The following SLX9 variants were observed in gnomAD, a reference collection of about 807,000 sequenced individuals.
The protein encoded by SLX9 is SLX9 ribosome biogenesis factor, also known as ribosome biogenesis protein SLX9 homolog.
SLX9 carries 19 observed loss-of-function variants against 20.8 expected under a neutral mutation model. That is an observed-to-expected ratio of 0.91 (90% CI 0.64 to 1.34). SLX9 has a LOEUF of 1.34. Among genes scored for constraint, SLX9 ranks in the 40% most tolerant of loss-of-function variants. The pLI, the probability that SLX9 is intolerant of heterozygous loss-of-function variation, is 0.00. For synonymous variants in SLX9, 113 were observed against 137.1 expected (o/e 0.82, Z 1.23); for missense variants, 299 against 322.2 (o/e 0.93, Z 0.55).
chr21:44,948,324 A>C (rs1397814377), intron 2 of SLX9, among the ~76,000 whole-genome samples: 2 of 101,414 alleles, frequency 2.0e-5, no homozygotes, highest in Admixed American at 1.1e-4. Flanking sequence ...CTGGTCGTGG[A>C]GCATCGGGCG....
chr21:44,945,079 T>C (rs757715907), intron 2 of SLX9, among the ~76,000 whole-genome samples: 2 of 152,214 alleles, frequency 1.3e-5, no homozygotes, highest in Non-Finnish European at 2.9e-5. Flanking sequence ...CCCTAATTCC[T>C]TGGGCACAAG....
chr21:44,941,884 C>T (rs934804277), intron 1 of SLX9, among the ~76,000 whole-genome samples: 10 of 152,152 alleles, frequency 6.6e-5, no homozygotes, highest in African/African-American at 2.2e-4. Context: ...AGCCCTCACA[C>T]GAGCTGCAGA....
At chr21:44,960,763 G>A (rs2084938327) in intron 3 of SLX9, among the ~76,000 whole-genome samples, 1 of 152,248 alleles carries the variant, frequency 6.6e-6, no homozygotes, top group Admixed American at 6.5e-5. Context: ...GTCTCCGCAG[G>A]CTGAAAGCCA....
intron 5 of SLX9, among the ~76,000 whole-genome samples, chr21:44,976,262 C>T (rs2085259939): frequency 6.6e-6 from 1 of 151,266 alleles, no homozygotes; most frequent in Admixed American, 6.6e-5. Context: ...CTGCTGCAGG[C>T]CTCTGCCGGC....
chr21:44,972,527 C>T (rs2085169776), intron 4 of SLX9, among the ~76,000 whole-genome samples: 3 of 152,238 alleles, frequency 2.0e-5, no homozygotes. Context: ...GTTCCTCCAC[C>T]TGTCCATGGG....
rs964855100 is a variant in SLX9, at chr21:44,966,905, G to A, written c.353-129G>A. 2.5e-6 allele frequency: 3 copies of A among 1,207,598 alleles called. No individual in the cohort carries two copies. In the African/African-American group the frequency reaches 4.6e-5, roughly 18 times the overall value. The allele number at this position is 1,207,598 out of a possible 1,614,324, so 74.8% of individuals were successfully genotyped here. A position where few individuals can be genotyped will look rare whatever the true frequency, so the allele number is the denominator to read the frequency against. On this transcript the variant is annotated intron_variant, in intron 3 of 5. Transcript: ENST00000291634. The stretch of plus-strand genomic sequence containing the variant: ...CTGCAGGTTCCCAGGGGCGGAATGG[G>A]GGTGACAGCGGGAAGGAGAGAGGCA...
chr21:44,976,495 G>A (rs1264393173), intron 5 of SLX9, among the ~76,000 whole-genome samples, 185 bp from the exon 6 acceptor site: 4 of 152,170 alleles, frequency 2.6e-5, no homozygotes, highest in African/African-American at 7.2e-5. Context: ...TGGGATGCAC[G>A]TGGCCACGAG....
At chr21:44,960,296 C>A in intron 3 of SLX9, 128 bp downstream of exon 3, 1 of 842,068 alleles carries the variant, frequency 1.2e-6, no homozygotes, top group East Asian at 2.6e-5. Flanking sequence ...CCAAGGGGAT[C>A]ACCCAAGACA....
At chr21:44,975,718 A>G (rs2085249402) in intron 5 of SLX9, among the ~76,000 whole-genome samples, 1 of 152,192 alleles carries the variant, frequency 6.6e-6, no homozygotes, top group African/African-American at 2.4e-5. Flanking sequence ...CCCTGACTTT[A>G]CGGGGACAGC....
intron 2 of SLX9, among the ~76,000 whole-genome samples, chr21:44,947,705 C>G (rs1024519971): frequency 3.9e-5 from 6 of 152,196 alleles, no homozygotes; most frequent in Non-Finnish European, 7.3e-5. Context: ...CCTGCCTTAC[C>G]CTTACGGGCA....
chr21:44,967,437 C>T (rs2294166), intron 4 of SLX9, among the ~76,000 whole-genome samples: 20,999 of 152,192 alleles, frequency 0.14, 1,560 homozygotes, highest in Admixed American at 0.18. Flanking sequence ...CTGCTGATGC[C>T]GAGCTCCCTC....
chr21:44,966,908 TG>T (rs2085045990), intron 3 of SLX9, 125 bp from the exon 4 acceptor site: 3 of 1,238,622 alleles, frequency 2.4e-6, no homozygotes, highest in Admixed American at 2.1e-5. Flanking sequence ...GGAATGGGGG[TG>T]ACAGCGGGAA....
At chr21:44,946,160 C>T (rs1302969380) in intron 2 of SLX9, among the ~76,000 whole-genome samples, 1 of 152,188 alleles carries the variant, frequency 6.6e-6, no homozygotes, top group Non-Finnish European at 1.5e-5. Context: ...CAGAGTAGAG[C>T]ATAGAAGTGT....
chr21:44,959,974 G>A (rs2084925210), intron 2 of SLX9, 126 bp from the exon 3 acceptor site: 1 of 803,594 alleles, frequency 1.2e-6, no homozygotes, highest in Non-Finnish European at 2.1e-6. Flanking sequence ...CTGAGAGGCT[G>A]GCACAGGCCA....
Position 44,940,095 on chromosome 21 carries a change from A to T in SLX9, c.38A>T (p.Gln13Leu), listed in dbSNP as rs777277247. 11 of 1,442,004 alleles carry T rather than the reference A, an allele frequency of 7.6e-6. No individual in the cohort carries two copies. The highest frequency in any genetic ancestry group is 1.0e-5 in the Non-Finnish European group (11 of 1,093,314). The allele number at this position is 1,442,004 out of a possible 1,614,324, so 89.3% of individuals were successfully genotyped here. A position where few individuals can be genotyped will look rare whatever the true frequency, so the allele number is the denominator to read the frequency against. The change falls in exon 1 of 6, where the codon CAG (glutamine) becomes CTG (leucine). Residue 13 changes from glutamine to leucine, a missense_variant. Gln to Leu is a moderately radical substitution (Grantham distance 113, BLOSUM62 -2). Transcript: ENST00000291634. The stretch of plus-strand genomic sequence containing the variant: ...AGGGGGTTGCGCGCCCGAGTGCACC[A>T]GGCTGCCGTGAGGCCGAAAGGGGAG... ...KVRGLRARVH[Q>L]AAVRPKGEAA... is the part of the protein sequence containing the mutation.
At chr21:44,966,025 G>A (rs770171696) in intron 3 of SLX9, among the ~76,000 whole-genome samples, 6 of 152,208 alleles carry the variant, frequency 3.9e-5, no homozygotes, top group Non-Finnish European at 8.8e-5. Flanking sequence ...AACCTGCACT[G>A]GGGGCTGAGG....
intron 2 of SLX9, among the ~76,000 whole-genome samples, chr21:44,950,969 C>T (rs934485069): frequency 6.6e-6 from 1 of 152,188 alleles, no homozygotes; most frequent in South Asian, 2.1e-4. Context: ...CACGGTGACT[C>T]CACCTGGTCC....
chr21:44,962,948 G>A (rs775210650), intron 3 of SLX9, among the ~76,000 whole-genome samples: 3 of 152,146 alleles, frequency 2.0e-5, no homozygotes, highest in Non-Finnish European at 2.9e-5. Flanking sequence ...GTGTTTCAGC[G>A]TCAGTGAAAT....
chr21:44,946,864 G>C (rs562811578), intron 2 of SLX9, among the ~76,000 whole-genome samples: 13 of 152,332 alleles, frequency 8.5e-5, no homozygotes, highest in East Asian at 1.9e-4. Flanking sequence ...GGAGGGACAG[G>C]CCTCCACTTC....
Sources: allele counts gnomAD v4.1 joint callset (sites outside exome capture counted in the v4.1 genomes callset), GRCh38; gene constraint gnomAD v4.1.1; transcripts MANE v1.5; gene names NCBI Gene and HGNC (gene_info 2026-07-23, HGNC 2026-07-21).